The following INTS9 variants were observed in gnomAD, a reference collection of about 807,000 sequenced individuals.
INTS9 encodes the protein integrator complex subunit 9.
INTS9 carries 55 observed loss-of-function variants against 79.7 expected under a neutral mutation model. The ratio of observed to expected loss-of-function variants is 0.69; its 90% CI spans 0.56 to 0.86. The LOEUF (loss-of-function observed/expected upper bound fraction) is 0.86. Ranked by LOEUF, INTS9 falls within the 40% of genes least tolerant of loss-of-function variation. The pLI is 0.00. For synonymous variants in INTS9, 319 were observed against 325.2 expected (o/e 0.98, Z 0.20); for missense variants, 721 against 831.5 (o/e 0.87, Z 1.64).
intron 1 of INTS9, chr8:28,862,188 A>G (rs770715136): frequency 1.0e-6 from 1 of 985,424 alleles, no homozygotes; most frequent in Non-Finnish European, 1.2e-6. Flanking sequence ...ACCAAGCAGC[A>G]TATCATCTAC....
chr8:28,836,641 G>A (rs1806820966), intron 5 of INTS9, among the ~76,000 whole-genome samples: 1 of 152,138 alleles, frequency 6.6e-6, no homozygotes, highest in South Asian at 2.1e-4. Flanking sequence ...CCTGGATGTA[G>A]CTTTCATAGG....
chr8:28,776,885 G>T (rs1303424650), intron 13 of INTS9, among the ~76,000 whole-genome samples: 1 of 152,172 alleles, frequency 6.6e-6, no homozygotes, highest in Non-Finnish European at 1.5e-5. Flanking sequence ...ATAATGAAAA[G>T]CAACACGCCT....
At chr8:28,871,429 G>C (rs978229865) in intron 1 of INTS9, among the ~76,000 whole-genome samples, 1 of 151,888 alleles carries the variant, frequency 6.6e-6, no homozygotes, top group South Asian at 2.1e-4. Flanking sequence ...TTTTGAGACA[G>C]GGTCTCACTC....
At chr8:28,844,031 G>A (rs1807349979) in intron 4 of INTS9, among the ~76,000 whole-genome samples, 1 of 152,174 alleles carries the variant, frequency 6.6e-6, no homozygotes, top group Non-Finnish European at 1.5e-5. Flanking sequence ...TACAGAGAGG[G>A]GAACTGCTCA....
chr8:28,835,568 T>C (rs1806763900), intron 5 of INTS9, among the ~76,000 whole-genome samples, 190 bp from the exon 6 acceptor site: 1 of 152,204 alleles, frequency 6.6e-6, no homozygotes, highest in East Asian at 1.9e-4. Context: ...CACTTTCTTA[T>C]TGCATTTCCA....
intron 1 of INTS9, among the ~76,000 whole-genome samples, chr8:28,862,958 G>C (rs1808537209): frequency 6.6e-6 from 1 of 152,224 alleles, no homozygotes; most frequent in Admixed American, 6.5e-5. Flanking sequence ...ACTTTGGACT[G>C]TTAAGGTGCA....
chr8:28,886,357 C>T (rs752905721), intron 1 of INTS9, among the ~76,000 whole-genome samples: 10 of 151,890 alleles, frequency 6.6e-5, no homozygotes, highest in Non-Finnish European at 1.2e-4. Flanking sequence ...AAGTGATCCT[C>T]CTGCCTCAGC....
intron 8 of INTS9, among the ~76,000 whole-genome samples, chr8:28,800,389 T>C (rs1312515896): frequency 6.6e-6 from 1 of 152,008 alleles, no homozygotes; most frequent in African/African-American, 2.4e-5. Context: ...AGAGTGTACT[T>C]TGGGCCGGAG....
At chr8:28,876,652 A>C (rs759666539) in intron 1 of INTS9, among the ~76,000 whole-genome samples, 6 of 152,172 alleles carry the variant, frequency 3.9e-5, no homozygotes, top group African/African-American at 7.2e-5. Flanking sequence ...CTGCACGTAT[A>C]AGCCACTGCA....
At chr8:28,884,384 T>G (rs1196365021) in intron 1 of INTS9, among the ~76,000 whole-genome samples, 1 of 151,842 alleles carries the variant, frequency 6.6e-6, no homozygotes, top group Non-Finnish European at 1.5e-5. Flanking sequence ...AGGGTCTCAC[T>G]ATGTTGCCCA....
At chr8:28,814,104 T>G (rs796977460) in intron 6 of INTS9, among the ~76,000 whole-genome samples, 3 of 151,882 alleles carry the variant, frequency 2.0e-5, no homozygotes, top group African/African-American at 7.3e-5. Context: ...ATGGTCTTGC[T>G]ATGTCGCCCA....
At chr8:28,773,186 A>G (rs902389158) in intron 14 of INTS9, among the ~76,000 whole-genome samples, 30 of 152,326 alleles carry the variant, frequency 2.0e-4, no homozygotes, top group Admixed American at 3.3e-4. Flanking sequence ...AAAAGGGGCC[A>G]GGCGCAGTGG....
chr8:28,849,145 C>T (rs1051268960), intron 3 of INTS9, among the ~76,000 whole-genome samples: 5 of 152,152 alleles, frequency 3.3e-5, no homozygotes, highest in Middle Eastern at 3.2e-3. Flanking sequence ...TCATGTTAAG[C>T]ATCTTTAAAC....
chr8:28,835,025 T>C (rs572531665), intron 6 of INTS9, among the ~76,000 whole-genome samples: 9 of 152,198 alleles, frequency 5.9e-5, no homozygotes, highest in Admixed American at 3.3e-4. Context: ...AACTGACCTG[T>C]TGAGTTATCT....
At chr8:28,881,449 G>A (rs1809795251) in intron 1 of INTS9, among the ~76,000 whole-genome samples, 3 of 143,782 alleles carry the variant, frequency 2.1e-5, no homozygotes, top group Admixed American at 6.9e-5. Flanking sequence ...CCCCCCGCCC[G>A]GCCAGCCGCC....
At chr8:28,811,128 C>CT (rs34004264) in intron 8 of INTS9, among the ~76,000 whole-genome samples, 4,925 of 142,146 alleles carry the variant, frequency 0.035, 116 homozygotes, top group Non-Finnish European at 0.052. Flanking sequence ...CTTTCTCTCT[C>CT]TTTTTTTTTT....
chr8:28,813,140 G>C (rs1478661249), intron 7 of INTS9, among the ~76,000 whole-genome samples: 2 of 152,198 alleles, frequency 1.3e-5, no homozygotes, highest in African/African-American at 2.4e-5. Flanking sequence ...ATGACAGTAA[G>C]AAATGGGAAG....
At position 28,781,003 on chromosome 8, in the gene INTS9, T is replaced by G; in HGVS notation, c.1099-9A>C. On this transcript the variant is annotated splice_polypyrimidine_tract_variant and intron_variant, in intron 11 of 16. Coordinates refer to ENST00000521022, the MANE Select transcript of INTS9 (RefSeq NM_018250.4). ...TTATTGGTCTGAATGAGCTGGAAAA[T>G]ATAGAAAAAATACAAAGAAATGTGA... is the stretch of plus-strand genomic sequence containing the variant. The G allele has an allele frequency of 6.2e-7, 1 of 1,608,606 alleles. No homozygotes were observed. Among genetic ancestry groups the G allele is most frequent in the East Asian group, 2.2e-5 (1 of 44,758 alleles).
intron 1 of INTS9, among the ~76,000 whole-genome samples, chr8:28,885,006 G>C (rs1329289054): frequency 2.0e-5 from 3 of 152,150 alleles, no homozygotes; most frequent in Admixed American, 1.3e-4. Flanking sequence ...CTGACCTTGG[G>C]GCAGGATTTG....
Sources: gnomAD v4.1 joint callset for allele counts (sites outside exome capture counted in the v4.1 genomes callset) on GRCh38, gnomAD v4.1.1 for gene constraint, MANE v1.5 for transcripts, NCBI Gene and HGNC (gene_info 2026-07-23, HGNC 2026-07-21) for gene names.